The following IL15 variants were observed in gnomAD, a reference collection of about 807,000 sequenced individuals.
IL15 encodes the protein interleukin 15, also known as interleukin-15.
IL15 carries 11 observed loss-of-function variants against 19.6 expected under a neutral mutation model. That is an observed-to-expected ratio of 0.56 (90% confidence interval 0.35 to 0.93). The LOEUF (loss-of-function observed/expected upper bound fraction) is 0.93, where lower values mean the gene tolerates loss of function less well. Ranked by LOEUF, IL15 falls within the 40% of genes least tolerant of loss-of-function variation. The probability of loss-of-function intolerance (pLI) is 0.01; values close to 1 mark genes in which losing one functional copy is unlikely to be tolerated. For missense variants in IL15, 197 were observed against 186.5 expected, an observed-to-expected ratio of 1.06 and a Z score of -0.33; for synonymous variants, 58 against 59.6, an observed-to-expected ratio of 0.97 and a Z score of 0.12.
At chr4:141,683,161 C>T (rs1164513978) in intron 2 of IL15, among the ~76,000 whole-genome samples, 1 of 151,600 alleles carries the variant, frequency 6.6e-6, no homozygotes, top group Non-Finnish European at 1.5e-5. Flanking sequence ...CCCAGCTACT[C>T]GGGAGGCTGA....
chr4:141,641,834 G>A (rs1225561543), intron 1 of IL15, among the ~76,000 whole-genome samples: 1 of 149,738 alleles, frequency 6.7e-6, no homozygotes, highest in Non-Finnish European at 1.5e-5. Flanking sequence ...AGAACTTAAA[G>A]TATAATTTAA....
At chr4:141,646,688 T>C (rs1727238267) in intron 1 of IL15, among the ~76,000 whole-genome samples, 1 of 152,108 alleles carries the variant, frequency 6.6e-6, no homozygotes, top group African/African-American at 2.4e-5. Context: ...ACACATAGTC[T>C]AATGTTAGTT....
intron 6 of IL15, among the ~76,000 whole-genome samples, chr4:141,728,947 T>G (rs919172689): frequency 6.6e-6 from 1 of 152,110 alleles, no homozygotes; most frequent in Non-Finnish European, 1.5e-5. Context: ...GATTTTAGAT[T>G]TTAGATTTTA....
intron 2 of IL15, among the ~76,000 whole-genome samples, chr4:141,697,797 T>A (rs1211985233): frequency 6.6e-6 from 1 of 151,766 alleles, no homozygotes; most frequent in East Asian, 1.9e-4. Context: ...ATTCAATCGA[T>A]GTCTTCTTTA....
At chr4:141,666,269 T>C (rs1024297743) in intron 2 of IL15, among the ~76,000 whole-genome samples, 1 of 151,870 alleles carries the variant, frequency 6.6e-6, no homozygotes, top group African/African-American at 2.4e-5. Flanking sequence ...TCCCCGGGCG[T>C]GGTGGCTCAC....
At position 141,636,768 on chromosome 4, in the gene IL15, T is replaced by C. The variant is rs1306763016; in HGVS notation, c.-222+20T>C. The C allele has an allele frequency of 6.6e-6, 1 of 152,040 alleles. No individual in the cohort carries two copies. Among genetic ancestry groups the C allele is most frequent in the Non-Finnish European group, 1.5e-5 (1 of 68,084 alleles). The allele number at this position is 152,040 out of a possible 1,614,324, so 9.4% of individuals were successfully genotyped here. On this transcript the variant is annotated intron_variant, in intron 1 of 7. Transcript: ENST00000320650. Reference sequence around the variant, plus strand: ...ATGGAGGTACAGAGCTCGGCTTCTTTGCCTTGGGAGGGGAGTGGTGGTGGT... The same window carrying C: ...ATGGAGGTACAGAGCTCGGCTTCTTCGCCTTGGGAGGGGAGTGGTGGTGGT...
In IL15 at chr4:141,662,083, T is replaced by C. The variant is rs1012817319; in HGVS notation, c.-100+5776T>C. Among the ~76,000 whole-genome samples, 6 of 152,244 alleles carry C rather than the reference T, an allele frequency of 3.9e-5. No individual in the cohort carries two copies. The South Asian group carries it at 6.2e-4, about 16-fold the overall frequency. Reference sequence around the variant, plus strand: ...CAGAGAATAAAACATTGAGTACTTTTAGTCCTTTTAGTTTTGTCATGACTT... The same window carrying C: ...CAGAGAATAAAACATTGAGTACTTTCAGTCCTTTTAGTTTTGTCATGACTT... On this transcript the variant is annotated intron_variant, in intron 2 of 7. Transcript: ENST00000320650.
intron 2 of IL15, among the ~76,000 whole-genome samples, chr4:141,672,944 G>T (rs1728222847): frequency 6.6e-6 from 1 of 151,984 alleles, no homozygotes. Context: ...AAGTCTTCTG[G>T]CCAGGCACCT....
chr4:141,663,146 CAT>C (rs1236521448), intron 2 of IL15, among the ~76,000 whole-genome samples: 3 of 152,010 alleles, frequency 2.0e-5, no homozygotes, highest in African/African-American at 4.8e-5. Flanking sequence ...GTCTAAAAAT[CAT>C]ATGTTAATTT....
chr4:141,709,299 T>G (rs1292049466), intron 2 of IL15, among the ~76,000 whole-genome samples: 1 of 152,160 alleles, frequency 6.6e-6, no homozygotes, highest in African/African-American at 2.4e-5. Flanking sequence ...ATGTTTATTT[T>G]TAATGCGCTA....
intron 5 of IL15, among the ~76,000 whole-genome samples, chr4:141,722,884 A>G (rs1346168227): frequency 6.6e-6 from 1 of 152,238 alleles, no homozygotes; most frequent in African/African-American, 2.4e-5. Flanking sequence ...TGAAATATAA[A>G]GCAAACTGTA....
intron 2 of IL15, among the ~76,000 whole-genome samples, chr4:141,712,346 G>A (rs1353861459): frequency 6.6e-6 from 1 of 151,990 alleles, no homozygotes; most frequent in Non-Finnish European, 1.5e-5. Flanking sequence ...GCTGCCCTGA[G>A]GAAGCTGTCC....
At chr4:141,704,634 A>G (rs1229307106) in intron 2 of IL15, 1 of 349,716 alleles carries the variant, frequency 2.9e-6, no homozygotes, top group Non-Finnish European at 5.8e-6. Context: ...AGTACTTTAT[A>G]TATTTGGTGG....
chr4:141,692,385 T>C (rs1291104472), intron 2 of IL15, among the ~76,000 whole-genome samples: 1 of 152,268 alleles, frequency 6.6e-6, no homozygotes, highest in Non-Finnish European at 1.5e-5. Context: ...GGCAAATTTC[T>C]GCAGGCTTGA....
At chr4:141,716,074 G>C (rs1729873680) in intron 2 of IL15, 1 of 152,252 alleles carries the variant, frequency 6.6e-6, no homozygotes, top group South Asian at 2.1e-4. Flanking sequence ...CTATAGAGAT[G>C]CCTGCCTGCG....
intron 2 of IL15, among the ~76,000 whole-genome samples, chr4:141,672,327 A>C (rs1471967075): frequency 1.3e-5 from 2 of 152,236 alleles, no homozygotes; most frequent in South Asian, 2.1e-4. Context: ...TATAACAAGA[A>C]GATAAATATT....
chr4:141,706,258 G>A (rs899747032), intron 2 of IL15, among the ~76,000 whole-genome samples: 1 of 151,564 alleles, frequency 6.6e-6, no homozygotes, highest in Admixed American at 6.6e-5. Context: ...GTTATTATAA[G>A]GATAAAGGGT....
At chr4:141,661,524 A>G (rs991471845) in intron 2 of IL15, among the ~76,000 whole-genome samples, 2 of 152,162 alleles carry the variant, frequency 1.3e-5, no homozygotes, top group African/African-American at 4.8e-5. Flanking sequence ...GGACTTCACA[A>G]GGTGCATCCT....
At chr4:141,721,518 T>C in intron 4 of IL15, 1 of 535,936 alleles carries the variant, frequency 1.9e-6, no homozygotes, top group Non-Finnish European at 3.5e-6. Context: ...TGATTATTAC[T>C]CATTTTAAGA....
Sources: allele counts gnomAD v4.1 joint callset (sites outside exome capture counted in the v4.1 genomes callset), GRCh38; gene constraint gnomAD v4.1.1; transcripts MANE v1.5; gene names NCBI Gene and HGNC (gene_info 2026-07-23, HGNC 2026-07-21).